The following ATXN7L1 variants were observed in gnomAD, a reference collection of about 807,000 sequenced individuals.
ATXN7L1 encodes ataxin 7 like 1.
ATXN7L1 carries 15 observed loss-of-function variants against 70.8 expected under a neutral mutation model. That is an observed-to-expected ratio of 0.21 (90% confidence interval 0.14 to 0.33). ATXN7L1 has a LOEUF of 0.33. Ranked by LOEUF, ATXN7L1 falls within the 10% of genes least tolerant of loss-of-function variation. The pLI, the probability that ATXN7L1 is intolerant of heterozygous loss-of-function variation, is 1.00. For synonymous variants in ATXN7L1, 440 were observed against 445.1 expected (o/e 0.99, Z 0.14); for missense variants, 975 against 1,097.1 (o/e 0.89, Z 1.57).
intron 2 of ATXN7L1, among the ~76,000 whole-genome samples, chr7:105,854,807 A>G (rs1257573729): frequency 1.3e-5 from 2 of 152,228 alleles, no homozygotes; most frequent in African/African-American, 4.8e-5. Context: ...ATTCTCAGGA[A>G]TGTGGTGAGC....
rs189173531 is a variant in ATXN7L1 at position 105,826,594 on chromosome 7, G to T, written c.251-37886C>A. ...AGTCTTGTGATTTGCCAGACACAGA[G>T]GAATGTAAATTGTGACTATTTTGCA... On this transcript the variant is annotated intron_variant, in intron 2 of 11. Transcript: ENST00000419735. Among the ~76,000 whole-genome samples, 54 of 152,242 alleles carry T rather than the reference G, an allele frequency of 3.5e-4. 1 individual carries two copies. Among genetic ancestry groups the T allele is most frequent in the African/African-American group, 1.2e-3 (51 of 41,548 alleles).
intron 2 of ATXN7L1, among the ~76,000 whole-genome samples, chr7:105,848,638 C>A (rs1338235781): frequency 6.6e-6 from 1 of 152,170 alleles, no homozygotes; most frequent in Non-Finnish European, 1.5e-5. Context: ...AAAAGGTCAG[C>A]ACTGGTTAAT....
chr7:105,742,236 T>G (rs1798091176), intron 3 of ATXN7L1, among the ~76,000 whole-genome samples: 1 of 152,240 alleles, frequency 6.6e-6, no homozygotes, highest in Non-Finnish European at 1.5e-5. Flanking sequence ...CTTTATCTTC[T>G]GCAGAGATCT....
At chr7:105,788,380 G>A (rs1346747009) in intron 3 of ATXN7L1, 2 of 531,634 alleles carry the variant, frequency 3.8e-6, no homozygotes, top group Non-Finnish European at 6.8e-6. Context: ...ACCGAGACAA[G>A]TTGCAGGTTT....
At chr7:105,821,831 G>A (rs1810211498) in intron 2 of ATXN7L1, among the ~76,000 whole-genome samples, 1 of 152,264 alleles carries the variant, frequency 6.6e-6, no homozygotes, top group South Asian at 2.1e-4. Flanking sequence ...TGTTGCTCCT[G>A]TGCTCACAAC....
At chr7:105,868,090 C>G (rs1422131934) in intron 2 of ATXN7L1, among the ~76,000 whole-genome samples, 2 of 152,192 alleles carry the variant, frequency 1.3e-5, no homozygotes, top group African/African-American at 2.4e-5. Flanking sequence ...GGGCCTTTAT[C>G]CCTGTCGTTT....
At chr7:105,760,332 G>A (rs1198429443) in intron 3 of ATXN7L1, 2 of 912,782 alleles carry the variant, frequency 2.2e-6, no homozygotes, top group Non-Finnish European at 2.6e-6. Flanking sequence ...ATATGAGGGG[G>A]CTGTTAGGAT....
intron 2 of ATXN7L1, among the ~76,000 whole-genome samples, chr7:105,814,938 C>T (rs529137962): frequency 6.6e-6 from 1 of 152,260 alleles, no homozygotes; most frequent in South Asian, 2.1e-4. Context: ...GTTCGTAGGA[C>T]TGTTACAAAA....
intron 3 of ATXN7L1, among the ~76,000 whole-genome samples, chr7:105,729,760 T>C (rs1470483476): frequency 1.5e-5 from 2 of 137,918 alleles, no homozygotes; most frequent in South Asian, 2.3e-4. Flanking sequence ...TTTTCTGAGA[T>C]GGAGTCTCAC....
intron 2 of ATXN7L1, among the ~76,000 whole-genome samples, chr7:105,826,176 G>A (rs1353169464): frequency 6.6e-6 from 1 of 152,194 alleles, no homozygotes; most frequent in African/African-American, 2.4e-5. Context: ...ATTGAATTAA[G>A]TTTTTAGTAC....
intron 5 of ATXN7L1, among the ~76,000 whole-genome samples, chr7:105,641,214 CTTTTTTTTTTTTTT>C (rs561100060): frequency 1.3e-3 from 28 of 21,790 alleles, no homozygotes; most frequent in African/African-American, 2.3e-3. Flanking sequence ...CTCTCTCTCT[CTTTTTTTTTTTTTT>C]TTTTTTTTTT....
At chr7:105,703,305 CAA>C (rs11431783) in intron 3 of ATXN7L1, among the ~76,000 whole-genome samples, 16 of 126,608 alleles carry the variant, frequency 1.3e-4, no homozygotes, top group Middle Eastern at 4.4e-3. Context: ...AACTCCGTCT[CAA>C]AAAAAAAAAA....
chr7:105,864,630 GT>G lies in ATXN7L1; in HGVS notation c.250+11181del, dbSNP rs935036622. ...GCAAAACATTGAAACAGATTCATTCGTTTTTTTTTTTTCTTTTTTTTGAGAC... is the reference window on the plus strand; with the variant it reads ...GCAAAACATTGAAACAGATTCATTCGTTTTTTTTTTTCTTTTTTTTGAGAC... On this transcript the variant is annotated intron_variant, in intron 2 of 11. Coordinates refer to ENST00000419735, the MANE Select transcript of ATXN7L1 (RefSeq NM_020725.2). 1.2e-3 allele frequency among the ~76,000 whole-genome samples: 169 copies of G among 143,904 alleles called. 1 individual carries two copies. The highest frequency in any genetic ancestry group is 7.2e-3 in the Middle Eastern group (2 of 276). 94.4% of individuals were successfully genotyped at this position (143,904 alleles called of 152,430 possible). A position where few individuals can be genotyped will look rare whatever the true frequency, so the allele number is the denominator to read the frequency against.
At chr7:105,635,024 T>C (rs1797155520) in intron 7 of ATXN7L1, among the ~76,000 whole-genome samples, 1 of 152,160 alleles carries the variant, frequency 6.6e-6, no homozygotes, top group Non-Finnish European at 1.5e-5. Flanking sequence ...TCCCTGCCCT[T>C]TGTCAGGAAT....
chr7:105,633,042 T>C (rs1796840262), intron 7 of ATXN7L1, among the ~76,000 whole-genome samples: 1 of 150,946 alleles, frequency 6.6e-6, no homozygotes, highest in African/African-American at 2.4e-5. Flanking sequence ...CAGAAAAATA[T>C]TAAACTTCTT....
chr7:105,838,081 T>G lies in ATXN7L1; in HGVS notation c.250+37731A>C, dbSNP rs6466076. Among the ~76,000 whole-genome samples, 1,249 of 152,304 alleles carry G rather than the reference T, an allele frequency of 8.2e-3. 18 individuals are homozygous for G. Among genetic ancestry groups the G allele is most frequent in the African/African-American group, 0.029 (1,189 of 41,538 alleles). The stretch of plus-strand genomic sequence containing the variant: ...GCAAATCAATAACTTACATTGGCTG[T>G]GTAGACAATAAAGCGCAATATGTGA... On this transcript the variant is annotated intron_variant, in intron 2 of 11. Transcript: ENST00000419735.
At chr7:105,625,543 G>A (rs774461672) in intron 7 of ATXN7L1, among the ~76,000 whole-genome samples, 3 of 152,134 alleles carry the variant, frequency 2.0e-5, no homozygotes, top group Non-Finnish European at 4.4e-5. Flanking sequence ...GAGCCACCGT[G>A]CCCAGCTTCA....
At chr7:105,686,410 G>C (rs1806190848) in intron 3 of ATXN7L1, among the ~76,000 whole-genome samples, 1 of 152,106 alleles carries the variant, frequency 6.6e-6, no homozygotes, top group Admixed American at 6.5e-5. Flanking sequence ...TAGCTACTTG[G>C]GAGGCTGAGG....
At position 105,614,251 on chromosome 7, in the gene ATXN7L1, A is replaced by C; in HGVS notation, c.2083T>G (p.Tyr695Asp). Residue 695 changes from tyrosine to aspartate, a missense_variant, in exon 10 of 12, where the codon TAT (tyrosine) becomes GAT (aspartate). Transcript: ENST00000419735. The surrounding 1 kb of genome is among the most constrained non-coding windows in gnomAD (Gnocchi z 4.3). ...ALNSYQAAPPYNSLSVHNSNN... is the reference protein window; with the variant it reads ...ALNSYQAAPPDNSLSVHNSNN... ...GAGTTGTGCACAGACAGGCTGTTAT[A>C]GGGAGGGGCCGCCTGATAGGAGTTC... is the stretch of plus-strand genomic sequence containing the variant. 1.9e-6 allele frequency: 3 copies of C among 1,551,728 alleles called. No homozygotes were observed. The highest frequency in any genetic ancestry group is 1.7e-6 in the Non-Finnish European group (2 of 1,147,000).
Sources: gnomAD v4.1 joint callset for allele counts (sites outside exome capture counted in the v4.1 genomes callset) on GRCh38, gnomAD v4.1.1 for gene constraint, Gnocchi (gnomAD v3.1) non-coding constraint, MANE v1.5 for transcripts, NCBI Gene and HGNC (gene_info 2026-07-23, HGNC 2026-07-21) for gene names.